Variants in PCSK2 observed in about 807,000 individuals in gnomAD.
The protein encoded by PCSK2 is neuroendocrine convertase 2.
PCSK2 carries 14 observed loss-of-function variants against 69.7 expected under a neutral mutation model. The ratio of observed to expected loss-of-function variants is 0.20; its 90% CI spans 0.13 to 0.31. The LOEUF (loss-of-function observed/expected upper bound fraction) is 0.31. Among genes scored for constraint, PCSK2 ranks in the 10% least tolerant of loss-of-function variants. PCSK2 has a pLI of 1.00. For missense variants in PCSK2, 544 were observed against 842.5 expected (o/e 0.65, Z 4.39); for synonymous variants, 307 against 320.7 (o/e 0.96, Z 0.46).
chr20:17,314,533 A>G (rs180834783), intron 2 of PCSK2, among the ~76,000 whole-genome samples: 5 of 152,322 alleles, frequency 3.3e-5, no homozygotes. Context: ...TTGGATGTGA[A>G]CGATTTGGGA....
intron 5 of PCSK2, among the ~76,000 whole-genome samples, chr20:17,371,949 C>T (rs1405232822): frequency 6.6e-6 from 1 of 152,036 alleles, no homozygotes; most frequent in African/African-American, 2.4e-5. Context: ...AAAAGCTTTT[C>T]CTGGAAAAAA....
chr20:17,381,777 A>G (rs1434665505), intron 5 of PCSK2, among the ~76,000 whole-genome samples: 1 of 151,946 alleles, frequency 6.6e-6, no homozygotes, highest in African/African-American at 2.4e-5. Context: ...TTTCTCCACA[A>G]CACCCCACAA....
intron 3 of PCSK2, among the ~76,000 whole-genome samples, chr20:17,359,301 C>T (rs2030312254): frequency 6.6e-6 from 1 of 152,154 alleles, no homozygotes; most frequent in African/African-American, 2.4e-5. Context: ...GTCCGAAAAT[C>T]CAATATGGGT....
rs1382941950 is a variant in PCSK2, at chr20:17,399,541, G to T, written c.544-9722G>T. Among the ~76,000 whole-genome samples, 8 of 152,220 alleles carry T rather than the reference G, an allele frequency of 5.3e-5. No homozygotes were observed. The East Asian group carries it at 1.5e-3, about 29-fold the overall frequency. On this transcript the variant is annotated intron_variant, in intron 5 of 11. Transcript: ENST00000262545. ...AAGCAGGGTGTTTCTGCCTGCCAAT[G>T]CTTGCCTCTGTCAGATAAGAAGAAG...
At chr20:17,316,425 G>C (rs1445673287) in intron 2 of PCSK2, among the ~76,000 whole-genome samples, 1 of 152,188 alleles carries the variant, frequency 6.6e-6, no homozygotes, top group East Asian at 1.9e-4. Flanking sequence ...GCAAGCACTT[G>C]TATAATTTTC....
At chr20:17,425,906 C>T (rs1375731897) in intron 6 of PCSK2, among the ~76,000 whole-genome samples, 2 of 152,184 alleles carry the variant, frequency 1.3e-5, no homozygotes, top group Non-Finnish European at 2.9e-5. Context: ...TTTGCCATAA[C>T]TCAGTCACAT....
intron 11 of PCSK2, among the ~76,000 whole-genome samples, chr20:17,477,927 G>A (rs2033320671): frequency 6.6e-6 from 1 of 152,148 alleles, no homozygotes; most frequent in Admixed American, 6.5e-5. Context: ...ACCTGCTAAT[G>A]ATTGTATACT....
At chr20:17,426,617 G>T (rs1486686415) in intron 6 of PCSK2, among the ~76,000 whole-genome samples, 1 of 152,192 alleles carries the variant, frequency 6.6e-6, no homozygotes. Context: ...AAATCTGCAG[G>T]GTGAGCCAGC....
chr20:17,473,633 G>A (rs1019057779), intron 11 of PCSK2, among the ~76,000 whole-genome samples: 5 of 151,938 alleles, frequency 3.3e-5, no homozygotes, highest in African/African-American at 1.2e-4. Context: ...GCAATACATG[G>A]TCACTGTAAG....
intron 11 of PCSK2, among the ~76,000 whole-genome samples, chr20:17,472,051 A>G (rs1452718151): frequency 2.6e-5 from 4 of 152,228 alleles, no homozygotes; most frequent in Non-Finnish European, 5.9e-5. Context: ...ATGCTCAGCT[A>G]CAATCAAAGG....
At chr20:17,292,234 A>AT (rs1473910364) in intron 2 of PCSK2, among the ~76,000 whole-genome samples, 2 of 152,152 alleles carry the variant, frequency 1.3e-5, no homozygotes, top group East Asian at 3.8e-4. Flanking sequence ...CATGGCCTCA[A>AT]TTTTAACTCT....
chr20:17,407,774 A>G (rs2031785699), intron 5 of PCSK2, among the ~76,000 whole-genome samples: 1 of 152,152 alleles, frequency 6.6e-6, no homozygotes, highest in Admixed American at 6.5e-5. Flanking sequence ...AGTGGAGACG[A>G]GAAGACTTCC....
chr20:17,284,228 A>G (rs904144428), intron 2 of PCSK2, among the ~76,000 whole-genome samples: 1 of 152,220 alleles, frequency 6.6e-6, no homozygotes, highest in African/African-American at 2.4e-5. Context: ...TGGAGCTAAC[A>G]GTCAAAGAGT....
intron 11 of PCSK2, among the ~76,000 whole-genome samples, chr20:17,469,159 G>A (rs539932804): frequency 1.3e-4 from 20 of 152,252 alleles, no homozygotes; most frequent in Middle Eastern, 6.8e-3. Context: ...GTTCACTCCC[G>A]TATCCCTCCT....
At chr20:17,348,477 C>T (rs2029880929) in intron 2 of PCSK2, among the ~76,000 whole-genome samples, 1 of 152,214 alleles carries the variant, frequency 6.6e-6, no homozygotes, top group African/African-American at 2.4e-5. Context: ...TTTTGATCCT[C>T]ACCACAACCA....
intron 11 of PCSK2, among the ~76,000 whole-genome samples, chr20:17,476,391 T>A (rs1204371610): frequency 2.0e-5 from 3 of 152,180 alleles, no homozygotes; most frequent in Admixed American, 2.0e-4. Context: ...TAAAATAAAT[T>A]GAACATTCAT....
chr20:17,303,052 A>G (rs1989138869), intron 2 of PCSK2, among the ~76,000 whole-genome samples: 1 of 151,536 alleles, frequency 6.6e-6, no homozygotes, highest in East Asian at 1.9e-4. Flanking sequence ...ACTTTTTTCT[A>G]TAAATTCTCA....
intron 5 of PCSK2, among the ~76,000 whole-genome samples, chr20:17,390,510 G>A (rs767685647): frequency 1.2e-4 from 19 of 152,180 alleles, no homozygotes; most frequent in Admixed American, 6.5e-5. Context: ...AATGAGTGGA[G>A]AAGCCTGCCC....
chr20:17,238,226 G>T (rs1299889078), intron 1 of PCSK2, among the ~76,000 whole-genome samples: 1 of 152,126 alleles, frequency 6.6e-6, no homozygotes, highest in Non-Finnish European at 1.5e-5. Context: ...GAAAAATAGT[G>T]TTACAGTCAC....
Sources: gnomAD v4.1 joint callset for allele counts (sites outside exome capture counted in the v4.1 genomes callset) on GRCh38, gnomAD v4.1.1 for gene constraint, MANE v1.5 for transcripts, NCBI Gene and HGNC (gene_info 2026-07-23, HGNC 2026-07-21) for gene names.